Variants in POTEF observed in about 807,000 individuals in gnomAD.
The protein encoded by POTEF is POTE ankyrin domain family member F.
In POTEF, 20 loss-of-function variants were observed where a neutral mutation model predicts 83.2. The ratio of observed to expected loss-of-function variants is 0.24; its 90% CI spans 0.17 to 0.35. POTEF has a LOEUF of 0.35. Among genes scored for constraint, POTEF ranks in the 10% least tolerant of loss-of-function variants. The pLI is 1.00. For synonymous variants in POTEF, 196 were observed against 446.4 expected, an observed-to-expected ratio of 0.44 and a Z score of 7.07; for missense variants, 550 against 1,203.2, an observed-to-expected ratio of 0.46 and a Z score of 8.03.
intron 12 of POTEF, among the ~76,000 whole-genome samples, chr2:130,093,136 C>CTAATGCCTG (rs1384000411): frequency 7.0e-6 from 1 of 142,954 alleles, no homozygotes; most frequent in East Asian, 2.0e-4. Context: ...GTATGAGAAT[C>CTAATGCCTG]TAATGCCTGA....
At chr2:130,104,332 A>C (rs965989560) in intron 8 of POTEF, among the ~76,000 whole-genome samples, 2 of 144,838 alleles carry the variant, frequency 1.4e-5, no homozygotes, top group Non-Finnish European at 3.0e-5. Flanking sequence ...TTGAGTCAGC[A>C]ATCTTTAGAT....
At chr2:130,097,023 TGAG>T (rs1684256868) in intron 11 of POTEF, among the ~76,000 whole-genome samples, 3 of 142,716 alleles carry the variant, frequency 2.1e-5, no homozygotes, top group Admixed American at 2.1e-4. Flanking sequence ...AGGAGAAAGA[TGAG>T]GAGGAGCAAG....
At chr2:130,127,150 T>G (rs916443052) in intron 2 of POTEF, among the ~76,000 whole-genome samples, 6 of 150,826 alleles carry the variant, frequency 4.0e-5, no homozygotes, top group Non-Finnish European at 5.9e-5. Context: ...TGAAACCCCA[T>G]CTCTACTAAA....
At chr2:130,114,468 T>A (rs1192843620) in intron 5 of POTEF, among the ~76,000 whole-genome samples, 1 of 146,184 alleles carries the variant, frequency 6.8e-6, no homozygotes, top group Admixed American at 6.9e-5. Flanking sequence ...TCTATTACTG[T>A]TTTTTAGGAA....
chr2:130,119,925 TC>T, intron 3 of POTEF, 69 bp downstream of exon 3: 1 of 1,412,952 alleles, frequency 7.1e-7, no homozygotes, highest in Non-Finnish European at 9.5e-7. Flanking sequence ...GTCCCCCTCC[TC>T]CCCCGCCAGG....
At chr2:130,123,602 A>C (rs1685039255) in intron 2 of POTEF, among the ~76,000 whole-genome samples, 2 of 151,896 alleles carry the variant, frequency 1.3e-5, no homozygotes, top group Admixed American at 1.3e-4. Flanking sequence ...CTATTTACTA[A>C]ATATCTCATA....
chr2:130,116,087 A>T (rs1030485006), intron 3 of POTEF, among the ~76,000 whole-genome samples: 20 of 152,092 alleles, frequency 1.3e-4, no homozygotes, highest in Non-Finnish European at 2.8e-4. Context: ...TTGGTTCTTA[A>T]AAGAACTATG....
chr2:130,128,359 A>G (rs1392142271), intron 1 of POTEF, among the ~76,000 whole-genome samples: 2 of 151,912 alleles, frequency 1.3e-5, no homozygotes, highest in Admixed American at 6.5e-5. Flanking sequence ...AGTCTGGAAA[A>G]GAGAAGAGTC....
chr2:130,105,939 C>T (rs1320176365), intron 8 of POTEF, among the ~76,000 whole-genome samples: 1 of 150,598 alleles, frequency 6.6e-6, no homozygotes, highest in East Asian at 1.9e-4. Flanking sequence ...AGGTATTTAC[C>T]TTCCCAGTGC....
In POTEF at chr2:130,083,968, G is replaced by A. The variant is rs1283175791; in HGVS notation, c.1778+1846C>T. Among the ~76,000 whole-genome samples, 2 of 79,080 alleles carry A rather than the reference G, an allele frequency of 2.5e-5. 1 individual carries two copies. The highest frequency in any genetic ancestry group is 6.3e-4 in the East Asian group (2 of 3,156). The allele number at this position is 79,080 out of a possible 152,430, so 51.9% of individuals were successfully genotyped here. On this transcript the variant is annotated intron_variant, in intron 15 of 16. Transcript: ENST00000409914. The stretch of plus-strand genomic sequence containing the variant: ...ATAAGCTGATTATCATTTTGTTCAC[G>A]CTTATACATAAAGACCAAGAAATAC...
intron 8 of POTEF, among the ~76,000 whole-genome samples, chr2:130,103,264 A>G (rs3854809): frequency 6.7e-6 from 1 of 149,952 alleles, no homozygotes; most frequent in Non-Finnish European, 1.5e-5. Context: ...CATCATGCCC[A>G]GCTAATTTTC....
intron 11 of POTEF, among the ~76,000 whole-genome samples, chr2:130,094,675 A>G (rs868112847): frequency 0.031 from 786 of 25,586 alleles, 1 homozygote; most frequent in African/African-American, 0.045. Context: ...CGCCTTATGC[A>G]AGGGCCAGCT....
chr2:130,091,478 CAT>C (rs1433918142), intron 12 of POTEF, among the ~76,000 whole-genome samples: 11 of 152,300 alleles, frequency 7.2e-5, no homozygotes, highest in East Asian at 3.9e-4. Context: ...TTAAAAGACA[CAT>C]GTGAAGAAAA....
intron 13 of POTEF, 82 bp from the exon 14 acceptor site, chr2:130,086,469 A>AT: frequency 1.3e-6 from 1 of 799,674 alleles, no homozygotes; most frequent in Non-Finnish European, 2.0e-6. Context: ...TTTTTAAAAT[A>AT]ATTTTATTCT....
intron 1 of POTEF, among the ~76,000 whole-genome samples, chr2:130,128,348 G>C (rs1218333746): frequency 1.3e-5 from 2 of 151,962 alleles, no homozygotes; most frequent in Admixed American, 1.3e-4. Flanking sequence ...AGGAACTCTG[G>C]AGTCTGGAAA....
At chr2:130,101,010 A>G (rs1558886952) in intron 9 of POTEF, among the ~76,000 whole-genome samples, 1 of 147,642 alleles carries the variant, frequency 6.8e-6, no homozygotes, top group Non-Finnish European at 1.5e-5. Context: ...CAGCAAACTT[A>G]ATTTGGTCAC....
chr2:130,121,066 G>C (rs6731291), intron 2 of POTEF, among the ~76,000 whole-genome samples: 1 of 150,264 alleles, frequency 6.7e-6, no homozygotes, highest in Non-Finnish European at 1.5e-5. Flanking sequence ...TGCGCGTGCG[G>C]CGTGCGCGTG....
At chr2:130,092,997 G>A (rs1317444128) in intron 12 of POTEF, among the ~76,000 whole-genome samples, 1 of 137,448 alleles carries the variant, frequency 7.3e-6, no homozygotes, top group Admixed American at 7.4e-5. Context: ...TGTATTTACA[G>A]CCACTCCTTA....
chr2:130,107,982 A>G lies in POTEF; in HGVS notation c.1126+27T>C, dbSNP rs751553634. On this transcript the variant is annotated intron_variant, in intron 8 of 16. Transcript: ENST00000409914. ...TCAAAAAGATTGGGGACAACTGACT[A>G]AAGTAATTCACTATCACAAGTCTTA... is the stretch of plus-strand genomic sequence containing the variant. The G allele has an allele frequency of 1.8e-5, 29 of 1,608,678 alleles. 1 individual carries two copies. The Middle Eastern group carries it at 5.7e-4, about 32-fold the overall frequency.
Sources: gnomAD v4.1 joint callset for allele counts (sites outside exome capture counted in the v4.1 genomes callset) on GRCh38, gnomAD v4.1.1 for gene constraint, MANE v1.5 for transcripts, NCBI Gene and HGNC (gene_info 2026-07-23, HGNC 2026-07-21) for gene names.